Variants in VPS50 observed in about 807,000 individuals in gnomAD.
VPS50 encodes the protein VPS50 subunit of EARP/GARPII complex, also known as syndetin.
Under a neutral mutation model 139.7 loss-of-function variants are expected in VPS50, and 70 were observed. The observed-to-expected ratio is 0.50, with a 90% confidence interval of 0.41 to 0.61. The LOEUF (loss-of-function observed/expected upper bound fraction) is 0.61, where lower values mean the gene tolerates loss of function less well. VPS50 is among the 20% of genes least tolerant of loss of function. The pLI, the probability that VPS50 is intolerant of heterozygous loss-of-function variation, is 0.00. For synonymous variants in VPS50, 365 were observed against 376.7 expected (o/e 0.97, Z 0.36); for missense variants, 921 against 1,133.7 (o/e 0.81, Z 2.69).
chr7:93,263,803 T>A (rs780646532), intron 9 of VPS50, among the ~76,000 whole-genome samples: 1 of 152,104 alleles, frequency 6.6e-6, no homozygotes, highest in Non-Finnish European at 1.5e-5. Context: ...ATGTGTTCTG[T>A]GTCTCTGGAT....
At chr7:93,288,436 A>G (rs1327928808) in intron 12 of VPS50, among the ~76,000 whole-genome samples, 1 of 152,202 alleles carries the variant, frequency 6.6e-6, no homozygotes, top group African/African-American at 2.4e-5. Context: ...TCCTTTAATA[A>G]ATAACATGGT....
intron 26 of VPS50, among the ~76,000 whole-genome samples, chr7:93,354,049 G>A (rs1252659025): frequency 6.6e-6 from 1 of 152,016 alleles, no homozygotes; most frequent in Non-Finnish European, 1.5e-5. Context: ...AAATTATGAT[G>A]GTGATGATTG....
At chr7:93,277,022 G>A (rs943191377) in intron 12 of VPS50, among the ~76,000 whole-genome samples, 3 of 152,140 alleles carry the variant, frequency 2.0e-5, no homozygotes, top group Non-Finnish European at 4.4e-5. Flanking sequence ...AAATTTAGGA[G>A]TCATCAGCAT....
chr7:93,354,537 C>T (rs1455693041), intron 26 of VPS50, among the ~76,000 whole-genome samples: 5 of 151,984 alleles, frequency 3.3e-5, no homozygotes, highest in Non-Finnish European at 4.4e-5. Context: ...CAAGTTGATC[C>T]GCCCACCTAA....
intron 21 of VPS50, among the ~76,000 whole-genome samples, chr7:93,331,552 G>T (rs1797942065): frequency 6.6e-6 from 1 of 151,792 alleles, no homozygotes; most frequent in Admixed American, 6.6e-5. Flanking sequence ...GAAAAAAAAA[G>T]CCTCAACCCC....
intron 27 of VPS50, among the ~76,000 whole-genome samples, chr7:93,357,340 T>C (rs187408704): frequency 2.0e-5 from 3 of 152,276 alleles, no homozygotes; most frequent in Non-Finnish European, 4.4e-5. Flanking sequence ...CTTTAACTGA[T>C]TGATATTTGT....
intron 25 of VPS50, among the ~76,000 whole-genome samples, chr7:93,353,147 C>T (rs1472539589): frequency 6.6e-6 from 1 of 152,028 alleles, no homozygotes; most frequent in East Asian, 1.9e-4. Flanking sequence ...CATCCTCAAC[C>T]CATATCATTA....
At chr7:93,258,965 G>A (rs1055699488) in intron 8 of VPS50, among the ~76,000 whole-genome samples, 5 of 151,920 alleles carry the variant, frequency 3.3e-5, no homozygotes, top group Non-Finnish European at 7.4e-5. Flanking sequence ...AAAAGTTTTT[G>A]TGGTTTTCTG....
At chr7:93,306,052 G>C in intron 18 of VPS50, 48 bp downstream of exon 18, 1 of 1,388,496 alleles carries the variant, frequency 7.2e-7, no homozygotes, top group Non-Finnish European at 1.0e-6. Flanking sequence ...ATTTAAAACT[G>C]TTCTACTCAA....
At position 93,323,582 on chromosome 7, in the gene VPS50, C is replaced by T. The variant is rs774275844; in HGVS notation, c.1856-29C>T. ...ACTAACAGATTTTAATTTTGTTCTG[C>T]TTAATTTTTTATTCTTTTTTCTTTT... On this transcript the variant is annotated intron_variant, in intron 20 of 27. Coordinates refer to ENST00000305866, the MANE Select transcript of VPS50 (RefSeq NM_017667.4). 1.9e-6 allele frequency: 2 copies of T among 1,027,062 alleles called. 1 individual carries two copies. Among genetic ancestry groups the T allele is most frequent in the South Asian group, 5.3e-5 (2 of 37,904 alleles). The allele number at this position is 1,027,062 out of a possible 1,614,324, so 63.6% of individuals were successfully genotyped here.
At chr7:93,353,441 A>C (rs1270665999) in intron 25 of VPS50, among the ~76,000 whole-genome samples, 199 bp from the exon 26 acceptor site, 1 of 152,226 alleles carries the variant, frequency 6.6e-6, no homozygotes, top group East Asian at 1.9e-4. Flanking sequence ...CTGTACTATA[A>C]CATAATCTAT....
Position 93,359,545 on chromosome 7 carries a change from T to C in VPS50, c.*1109T>C, listed in dbSNP as rs142722832. The C allele has an allele frequency of 1.8e-4, 28 of 152,266 alleles. No individual in the cohort carries two copies. The East Asian group carries it at 5.4e-3, about 29-fold the overall frequency. The allele number at this position is 152,266 out of a possible 1,614,324, so 9.4% of individuals were successfully genotyped here. ...ATTTTCCATGTACTCTTGCCAACTG[T>C]CTGATAAGGAATTTTGTGTGTGTTC... is the stretch of plus-strand genomic sequence containing the variant. On this transcript the variant is annotated 3_prime_UTR_variant, in exon 28 of 28. Coordinates refer to ENST00000305866, the MANE Select transcript of VPS50 (RefSeq NM_017667.4).
In VPS50 at chr7:93,358,357, G is replaced by T. The variant is rs771468848; in HGVS notation, c.2816G>T (p.Cys939Phe). The T allele has an allele frequency of 1.2e-6, 2 of 1,612,602 alleles. No homozygotes were observed. The highest frequency in any genetic ancestry group is 4.5e-5 in the East Asian group (2 of 44,858). The stretch of plus-strand genomic sequence containing the variant: ...CAGCTGACCAATCTGGTGAATGTTT[G>T]CCTGGGATCCCATATCAATAAGAAA... Reference protein sequence around the residue: ...TKQLTNLVNVCLGSHINKKAR... With the variant: ...TKQLTNLVNVFLGSHINKKAR... Residue 939 changes from cysteine (C) to phenylalanine (F), a missense_variant, in exon 28 of 28, where the codon TGC (cysteine) becomes TTC (phenylalanine). Around this residue, in one of 3 missense-constraint regions of VPS50, gnomAD observed 158 missense variants for 156.3 expected, o/e 1.01. Transcript: ENST00000305866.
At chr7:93,303,251 TGA>T (rs1197341685) in intron 16 of VPS50, among the ~76,000 whole-genome samples, 1 of 151,938 alleles carries the variant, frequency 6.6e-6, no homozygotes, top group Non-Finnish European at 1.5e-5. Context: ...AGTAAACATT[TGA>T]GAGAGTTTTT....
chr7:93,276,951 A>G (rs540639671), intron 12 of VPS50, among the ~76,000 whole-genome samples: 41 of 152,310 alleles, frequency 2.7e-4, no homozygotes, highest in Admixed American at 4.6e-4. Flanking sequence ...TAAACATTCA[A>G]GTGGACTTGC....
At chr7:93,328,132 A>G (rs1797834997) in intron 21 of VPS50, among the ~76,000 whole-genome samples, 1 of 152,202 alleles carries the variant, frequency 6.6e-6, no homozygotes, top group Non-Finnish European at 1.5e-5. Context: ...GGATTCTATT[A>G]TAATAATGCT....
chr7:93,303,337 CA>C, intron 16 of VPS50, 122 bp from the exon 17 acceptor site: 1 of 435,150 alleles, frequency 2.3e-6, no homozygotes, highest in Non-Finnish European at 4.1e-6. Flanking sequence ...AATGGGTTCT[CA>C]AAGTTGATTA....
intron 11 of VPS50, chr7:93,273,317 A>T (rs1241613667): frequency 6.6e-6 from 1 of 152,056 alleles, no homozygotes; most frequent in African/African-American, 2.4e-5. Context: ...TTTGAAAGTT[A>T]ATTGTATCTT....
At chr7:93,276,907 T>C (rs1023777546) in intron 12 of VPS50, among the ~76,000 whole-genome samples, 3 of 152,090 alleles carry the variant, frequency 2.0e-5, no homozygotes, top group African/African-American at 7.2e-5. Context: ...AACAGGACTT[T>C]GGTGAAAAAT....
Sources: gnomAD v4.1 joint callset for allele counts (sites outside exome capture counted in the v4.1 genomes callset) on GRCh38, gnomAD v4.1.1 for gene constraint, gnomAD v4.1.1 regional missense constraint, MANE v1.5 for transcripts, NCBI Gene and HGNC (gene_info 2026-07-23, HGNC 2026-07-21) for gene names.